The following B3GLCT variants were observed in gnomAD, a reference collection of about 807,000 sequenced individuals.
B3GLCT encodes beta-1,3-glucosyltransferase.
Under a neutral mutation model 63.4 loss-of-function variants are expected in B3GLCT, and 65 were observed. The ratio of observed to expected loss-of-function variants is 1.03; its 90% confidence interval spans 0.84 to 1.26. The LOEUF is 1.26. Among genes scored for constraint, B3GLCT ranks in the 50% most tolerant of loss-of-function variants. B3GLCT has a pLI of 0.00. For missense variants in B3GLCT, 577 were observed against 604.8 expected (o/e 0.95, Z 0.48); for synonymous variants, 233 against 219.2 (o/e 1.06, Z -0.55).
chr13:31,317,780 G>A (rs992040730), intron 13 of B3GLCT, 95 bp downstream of exon 13: 34 of 1,459,864 alleles, frequency 2.3e-5, no homozygotes, highest in South Asian at 2.0e-4. Flanking sequence ...TATACTGTAC[G>A]TGAGTACTCT....
Position 31,284,163 on chromosome 13 carries a change from C to T in B3GLCT, c.851-485C>T, listed in dbSNP as rs553058337. On this transcript the variant is annotated intron_variant, in intron 10 of 14. Transcript: ENST00000343307. ...TCCACATTTTTCAAAAGTACAACATCGTAATATCAGTCATCATATGCAGTG... is the reference window on the plus strand; with the variant it reads ...TCCACATTTTTCAAAAGTACAACATTGTAATATCAGTCATCATATGCAGTG... Among the ~76,000 whole-genome samples, 47 of 152,242 alleles carry T rather than the reference C, an allele frequency of 3.1e-4. 2 individuals are homozygous for T. In the South Asian group the frequency reaches 9.3e-3, roughly 30 times the overall value.
At chr13:31,299,567 A>G (rs1030987748) in intron 12 of B3GLCT, among the ~76,000 whole-genome samples, 1 of 152,108 alleles carries the variant, frequency 6.6e-6, no homozygotes, top group Non-Finnish European at 1.5e-5. Flanking sequence ...CCCCATAGCC[A>G]TTATCAGTCT....
At chr13:31,268,575 G>A (rs1872438316) in intron 7 of B3GLCT, among the ~76,000 whole-genome samples, 2 of 152,180 alleles carry the variant, frequency 1.3e-5, no homozygotes, top group Non-Finnish European at 2.9e-5. Context: ...AGTAAAGGTT[G>A]GGTACAGGCA....
At chr13:31,208,165 C>T (rs1869061418) in intron 1 of B3GLCT, among the ~76,000 whole-genome samples, 1 of 151,806 alleles carries the variant, frequency 6.6e-6, no homozygotes, top group South Asian at 2.1e-4. Flanking sequence ...AGGCAGGGCC[C>T]CGGCCCGGGT....
chr13:31,272,013 G>A (rs1462635417), intron 8 of B3GLCT, among the ~76,000 whole-genome samples: 2 of 151,824 alleles, frequency 1.3e-5, no homozygotes, highest in African/African-American at 4.8e-5. Context: ...ATCGTTTTTT[G>A]TCTTTTTCTT....
intron 10 of B3GLCT, among the ~76,000 whole-genome samples, chr13:31,282,379 C>A (rs1006839753): frequency 6.6e-6 from 1 of 152,112 alleles, no homozygotes; most frequent in Non-Finnish European, 1.5e-5. Context: ...GTGGCTCATG[C>A]CTGTAATCCC....
chr13:31,316,082 G>A (rs1768466505), intron 12 of B3GLCT, among the ~76,000 whole-genome samples: 1 of 152,098 alleles, frequency 6.6e-6, no homozygotes, highest in Non-Finnish European at 1.5e-5. Context: ...TGCAGGGCTG[G>A]GGCCCTCATG....
At chr13:31,308,361 CAA>C (rs77115717) in intron 12 of B3GLCT, among the ~76,000 whole-genome samples, 2 of 65,626 alleles carry the variant, frequency 3.0e-5, no homozygotes, top group African/African-American at 1.1e-4. Flanking sequence ...AAAAAAAAAA[CAA>C]AAAAAAAAGC....
intron 6 of B3GLCT, among the ~76,000 whole-genome samples, chr13:31,252,129 G>C (rs145486984): frequency 1.3e-5 from 2 of 152,208 alleles, no homozygotes; most frequent in African/African-American, 4.8e-5. Context: ...AGCTTCATAA[G>C]GGAAGGAGAA....
chr13:31,231,679 C>T (rs755870), intron 4 of B3GLCT, among the ~76,000 whole-genome samples: 93,414 of 152,074 alleles, frequency 0.61, 30,235 homozygotes, highest in Middle Eastern at 0.76. Context: ...TCGAGCAGGG[C>T]AGTGTTCCTG....
rs370099237 is a variant in B3GLCT, at chr13:31,243,533, G to A, written c.271-3490G>A. 5.3e-5 allele frequency among the ~76,000 whole-genome samples: 8 copies of A among 152,020 alleles called. No individual in the cohort carries two copies. The East Asian group carries it at 1.2e-3, about 22-fold the overall frequency. On this transcript the variant is annotated intron_variant, in intron 4 of 14. Transcript: ENST00000343307. ...ATATTTCTACATATAAATTTTTAATGATTTCCCCTCCATGTCAAGAATAAT... is the reference window on the plus strand; with the variant it reads ...ATATTTCTACATATAAATTTTTAATAATTTCCCCTCCATGTCAAGAATAAT...
chr13:31,276,362 A>G (rs952014683), intron 9 of B3GLCT, among the ~76,000 whole-genome samples: 6 of 152,206 alleles, frequency 3.9e-5, no homozygotes, highest in Admixed American at 2.6e-4. Context: ...ACTAACATTT[A>G]TTGGTCAGTT....
chr13:31,260,217 A>G (rs1871959658), intron 6 of B3GLCT, among the ~76,000 whole-genome samples: 1 of 152,162 alleles, frequency 6.6e-6, no homozygotes, highest in African/African-American at 2.4e-5. Context: ...AGATTTTTGC[A>G]TAGAGCTGGC....
chr13:31,230,039 C>T (rs111764795), intron 4 of B3GLCT, among the ~76,000 whole-genome samples: 9,659 of 152,100 alleles, frequency 0.064, 404 homozygotes, highest in Non-Finnish European at 0.1. Context: ...TTAATCTTAG[C>T]GCAGTGCTTC....
At position 31,274,606 on chromosome 13, in the gene B3GLCT, T is replaced by C. The variant is rs1236418106; in HGVS notation, c.758T>C (p.Phe253Ser). The change falls in exon 9 of 15, where the codon TTC (phenylalanine) becomes TCC (serine). Residue 253 changes from phenylalanine (F) to serine (S), a missense_variant. Physicochemically the swap from Phe to Ser is radical, Grantham distance 155. Coordinates refer to ENST00000343307, the MANE Select transcript of B3GLCT (RefSeq NM_194318.4). ...NDVDFYCATTFHSFLPLCRKP... is the reference protein window; with the variant it reads ...NDVDFYCATTSHSFLPLCRKP... ...GTGGACTTCTACTGTGCTACCACAT[T>C]CCATTCTTTTCTACCGCTTTGTGTG... The C allele has an allele frequency of 3.7e-6, 6 of 1,614,122 alleles. No homozygotes were observed. The Admixed American group carries it at 8.3e-5, about 22-fold the overall frequency.
At chr13:31,325,416 A>T (rs1875558239) in intron 14 of B3GLCT, among the ~76,000 whole-genome samples, 1 of 152,214 alleles carries the variant, frequency 6.6e-6, no homozygotes, top group South Asian at 2.1e-4. Flanking sequence ...GTATAAGGGA[A>T]ATAATTTATC....
chr13:31,251,122 C>A (rs1051721167), intron 6 of B3GLCT, among the ~76,000 whole-genome samples: 3 of 152,080 alleles, frequency 2.0e-5, no homozygotes, highest in African/African-American at 7.2e-5. Context: ...TAGCAGGGGA[C>A]CAGACTGTTA....
intron 4 of B3GLCT, among the ~76,000 whole-genome samples, chr13:31,245,600 A>T (rs1050059095): frequency 6.6e-6 from 1 of 152,192 alleles, no homozygotes; most frequent in African/African-American, 2.4e-5. Context: ...TAATTGATAC[A>T]TAATAACTCA....
intron 12 of B3GLCT, among the ~76,000 whole-genome samples, chr13:31,287,662 C>T (rs565211633): frequency 6.9e-6 from 1 of 144,700 alleles, no homozygotes; most frequent in South Asian, 2.2e-4. Flanking sequence ...CAGGAAAATA[C>T]AGAAGTGAAA....
Sources: gnomAD v4.1 joint callset for allele counts (sites outside exome capture counted in the v4.1 genomes callset) on GRCh38, gnomAD v4.1.1 for gene constraint, MANE v1.5 for transcripts, NCBI Gene and HGNC (gene_info 2026-07-23, HGNC 2026-07-21) for gene names.